The following NOVA1 variants were observed in gnomAD, a reference collection of about 807,000 sequenced individuals.
NOVA1 encodes the protein NOVA alternative splicing regulator 1.
In NOVA1, 7 loss-of-function variants were observed where a neutral mutation model predicts 38.0. The observed-to-expected ratio is 0.18, with a 90% confidence interval of 0.10 to 0.35. The LOEUF is 0.35. NOVA1 is among the 10% of genes least tolerant of loss of function. The pLI is 1.00. For synonymous variants in NOVA1, 270 were observed against 232.5 expected (o/e 1.16, Z -1.47); for missense variants, 460 against 616.0 (o/e 0.75, Z 2.68).
chr14:26,527,874 C>G (rs1057327232), intron 2 of NOVA1, among the ~76,000 whole-genome samples: 1 of 152,136 alleles, frequency 6.6e-6, no homozygotes, highest in African/African-American at 2.4e-5. Context: ...TTCACTGGAC[C>G]TTTTATGTCC....
chr14:26,542,317 A>AT (rs1373929974), intron 2 of NOVA1, among the ~76,000 whole-genome samples: 1 of 151,826 alleles, frequency 6.6e-6, no homozygotes, highest in African/African-American at 2.4e-5. Flanking sequence ...TAATTTTTCA[A>AT]TTTTCTCTAC....
At position 26,557,352 on chromosome 14, in the gene NOVA1, G is replaced by A. The variant is rs574833389; in HGVS notation, c.280+38058C>T. Among the ~76,000 whole-genome samples, 16 of 152,114 alleles carry A rather than the reference G, an allele frequency of 1.1e-4. No homozygotes were observed. In the East Asian group the frequency reaches 3.1e-3, roughly 29 times the overall value. ...TGCGGAACAACAGAAGGAAATTGCT[G>A]GTGGGAATGCAAAATAGTAGAGCCA... On this transcript the variant is annotated intron_variant, in intron 2 of 4. Coordinates refer to ENST00000539517, the MANE Select transcript of NOVA1 (RefSeq NM_002515.3).
At position 26,597,518 on chromosome 14, in the gene NOVA1, T is replaced by TC; in HGVS notation, c.-83_-82insG. On this transcript the variant is annotated 5_prime_UTR_variant, in exon 1 of 5. Transcript: ENST00000539517. ...TTCTTTTCTTTTTTCTTTTTTTTTT[T>TC]TTTTTTTTTTTGCGTTTGGGGTTTC... 1 of 1,162,232 alleles carries TC rather than the reference T, an allele frequency of 8.6e-7. No individual in the cohort carries two copies. The highest frequency in any genetic ancestry group is 1.1e-6 in the Non-Finnish European group (1 of 937,816). The allele number at this position is 1,162,232 out of a possible 1,614,324, so 72.0% of individuals were successfully genotyped here.
At chr14:26,487,461 G>A (rs1193292888) in intron 2 of NOVA1, among the ~76,000 whole-genome samples, 3 of 151,956 alleles carry the variant, frequency 2.0e-5, no homozygotes, top group Admixed American at 6.6e-5. Flanking sequence ...TATATTGTTA[G>A]TATAATTGAT....
intron 2 of NOVA1, among the ~76,000 whole-genome samples, chr14:26,491,010 C>A (rs529549714): frequency 6.6e-6 from 1 of 151,880 alleles, no homozygotes; most frequent in South Asian, 2.1e-4. Context: ...CCACCACGCC[C>A]GGATAATTTT....
chr14:26,505,881 C>A (rs578075387), intron 2 of NOVA1, among the ~76,000 whole-genome samples: 1 of 151,992 alleles, frequency 6.6e-6, no homozygotes, highest in Non-Finnish European at 1.5e-5. Flanking sequence ...TAATTTACAA[C>A]CCATTTAGAA....
chr14:26,591,405 A>C (rs1230470451), intron 2 of NOVA1, among the ~76,000 whole-genome samples: 1 of 151,636 alleles, frequency 6.6e-6, no homozygotes, highest in African/African-American at 2.4e-5. Context: ...AACCCACCCA[A>C]CAATGTTGGA....
rs1882033001 is a variant in NOVA1, at chr14:26,445,975, A to G, written c.*1984T>C. 6.6e-6 allele frequency: 1 copy of G among 152,588 alleles called. No individual in the cohort carries two copies. The allele number at this position is 152,588 out of a possible 1,614,324, so 9.5% of individuals were successfully genotyped here. On this transcript the variant is annotated 3_prime_UTR_variant, in exon 5 of 5. Transcript: ENST00000539517. ...AACCACTGATTCCACGAGATACACT[A>G]TTTGTCAAAACTTACACAGCTACAG...
In NOVA1 at chr14:26,573,744, T is replaced by C. The variant is rs372683067; in HGVS notation, c.280+21666A>G. On this transcript the variant is annotated intron_variant, in intron 2 of 4. Transcript: ENST00000539517. ...GAGTATAAATCTGTTGGGGTGAGTTTCTGGGTTGAAAAAGATGAAAAAAGT... is the reference window on the plus strand; with the variant it reads ...GAGTATAAATCTGTTGGGGTGAGTTCCTGGGTTGAAAAAGATGAAAAAAGT... Among the ~76,000 whole-genome samples, 266 of 152,246 alleles carry C rather than the reference T, an allele frequency of 1.7e-3. 2 individuals are homozygous for C. Among genetic ancestry groups the C allele is most frequent in the African/African-American group, 5.9e-3 (247 of 41,554 alleles).
chr14:26,589,057 T>C (rs1893693104), intron 2 of NOVA1, among the ~76,000 whole-genome samples: 1 of 151,570 alleles, frequency 6.6e-6, no homozygotes, highest in Non-Finnish European at 1.5e-5. Context: ...AATAATAAAT[T>C]ATATTCAATG....
rs1033578594 is a variant in NOVA1 at position 26,445,610 on chromosome 14, G to A, written c.*2349C>T. The stretch of plus-strand genomic sequence containing the variant: ...AGATGAAATGCATGGGCTCCACAGT[G>A]GACTACTGGAATTTTGAAATAAAAG... On this transcript the variant is annotated 3_prime_UTR_variant, in exon 5 of 5. Coordinates refer to ENST00000539517, the MANE Select transcript of NOVA1 (RefSeq NM_002515.3). The A allele has an allele frequency of 4.6e-5, 7 of 152,066 alleles. No individual in the cohort carries two copies. Among genetic ancestry groups the A allele is most frequent in the Non-Finnish European group, 8.8e-5 (6 of 68,018 alleles). 9.4% of individuals were successfully genotyped at this position (152,066 alleles called of 1,614,324 possible). A position where few individuals can be genotyped will look rare whatever the true frequency, so the allele number is the denominator to read the frequency against.
chr14:26,449,894 T>C (rs774824518), intron 4 of NOVA1, among the ~76,000 whole-genome samples: 5 of 152,086 alleles, frequency 3.3e-5, no homozygotes, highest in Non-Finnish European at 7.4e-5. Flanking sequence ...GCCACAAAAA[T>C]CAGCATATTT....
intron 2 of NOVA1, among the ~76,000 whole-genome samples, chr14:26,522,998 T>C (rs2138511729): frequency 6.6e-6 from 1 of 152,300 alleles, no homozygotes; most frequent in Non-Finnish European, 1.5e-5. Context: ...GCTGAAAATA[T>C]TCTCATCCGT....
chr14:26,517,185 G>A (rs1417175406), intron 2 of NOVA1, among the ~76,000 whole-genome samples: 3 of 152,078 alleles, frequency 2.0e-5, no homozygotes, highest in South Asian at 2.1e-4. Flanking sequence ...GATTACAGGT[G>A]TGAGCCACCA....
chr14:26,476,802 C>T (rs1885023522), intron 3 of NOVA1, among the ~76,000 whole-genome samples: 1 of 147,902 alleles, frequency 6.8e-6, no homozygotes, highest in East Asian at 1.9e-4. Context: ...CTGCAACCTC[C>T]ACAACCAGGG....
chr14:26,521,261 T>C (rs896079010), intron 2 of NOVA1, among the ~76,000 whole-genome samples: 1 of 152,100 alleles, frequency 6.6e-6, no homozygotes, highest in Non-Finnish European at 1.5e-5. Context: ...ATATATTTCA[T>C]ACCTTACAAT....
At chr14:26,522,543 C>T (rs967774169) in intron 2 of NOVA1, among the ~76,000 whole-genome samples, 5 of 152,006 alleles carry the variant, frequency 3.3e-5, no homozygotes, top group Admixed American at 6.6e-5. Context: ...AGCTAATTTT[C>T]GTAGCCATTT....
Position 26,447,239 on chromosome 14 carries a change from G to C in NOVA1, c.*720C>G, listed in dbSNP as rs952843327. The C allele has an allele frequency of 1.3e-5, 2 of 152,752 alleles. No homozygotes were observed. The highest frequency in any genetic ancestry group is 4.8e-5 in the African/African-American group (2 of 41,554). 9.5% of individuals were successfully genotyped at this position (152,752 alleles called of 1,614,324 possible). ...GTGAATTCAGTGCTTAAAAACAAATGTACAAACCTCTGAAGAGGTGGGACT... is the reference window on the plus strand; with the variant it reads ...GTGAATTCAGTGCTTAAAAACAAATCTACAAACCTCTGAAGAGGTGGGACT... On this transcript the variant is annotated 3_prime_UTR_variant, in exon 5 of 5. Transcript: ENST00000539517.
intron 2 of NOVA1, among the ~76,000 whole-genome samples, chr14:26,525,024 C>T (rs1330075121): frequency 6.6e-6 from 1 of 152,126 alleles, no homozygotes; most frequent in Non-Finnish European, 1.5e-5. Context: ...AATAATTTCA[C>T]ATATACTTCT....
Sources: gnomAD v4.1 joint callset for allele counts (sites outside exome capture counted in the v4.1 genomes callset) on GRCh38, gnomAD v4.1.1 for gene constraint, MANE v1.5 for transcripts, NCBI Gene and HGNC (gene_info 2026-07-23, HGNC 2026-07-21) for gene names.